DEPTOR: variants seen among roughly 807,000 people sequenced by gnomAD.
The protein encoded by DEPTOR is DEP domain-containing mTOR-interacting protein.
In DEPTOR, 41 loss-of-function variants were observed where a neutral mutation model predicts 41.6. The ratio of observed to expected loss-of-function variants is 0.98; its 90% CI spans 0.77 to 1.28. The LOEUF is 1.28. Among genes scored for constraint, DEPTOR ranks in the 50% most tolerant of loss-of-function variants. DEPTOR has a pLI of 0.00. For synonymous variants in DEPTOR, 195 were observed against 192.3 expected (o/e 1.01, Z -0.12); for missense variants, 514 against 527.9 (o/e 0.97, Z 0.26).
At chr8:119,906,210 G>A (rs1451616626) in intron 1 of DEPTOR, among the ~76,000 whole-genome samples, 1 of 151,942 alleles carries the variant, frequency 6.6e-6, no homozygotes, top group African/African-American at 2.4e-5. Context: ...CCAGCACTTT[G>A]GGAAGCCAAG....
At chr8:120,031,016 T>C (rs1337504821) in intron 8 of DEPTOR, among the ~76,000 whole-genome samples, 1 of 152,046 alleles carries the variant, frequency 6.6e-6, no homozygotes, top group African/African-American at 2.4e-5. Context: ...CCTAAAACTA[T>C]CTTAAAAAAT....
chr8:120,005,054 G>T (rs560771347), intron 6 of DEPTOR, among the ~76,000 whole-genome samples: 3 of 152,158 alleles, frequency 2.0e-5, no homozygotes, highest in African/African-American at 4.8e-5. Context: ...AGGCCTCAAA[G>T]TTTCTATATT....
chr8:120,047,742 T>C (rs1813173579), intron 8 of DEPTOR, among the ~76,000 whole-genome samples: 1 of 152,052 alleles, frequency 6.6e-6, no homozygotes, highest in Admixed American at 6.6e-5. Flanking sequence ...GACACACAAT[T>C]GTGGTTAAGA....
chr8:119,986,394 C>A (rs1012864850), intron 4 of DEPTOR, among the ~76,000 whole-genome samples: 1 of 152,164 alleles, frequency 6.6e-6, no homozygotes, highest in African/African-American at 2.4e-5. Flanking sequence ...TCTGAGAGAT[C>A]TGCTCTTAGT....
intron 8 of DEPTOR, among the ~76,000 whole-genome samples, chr8:120,041,431 T>C (rs1450389010): frequency 2.0e-5 from 3 of 152,236 alleles, no homozygotes; most frequent in African/African-American, 7.2e-5. Flanking sequence ...GGAGGAAGGC[T>C]GGAGTTCAGC....
At chr8:119,893,313 A>C (rs780323339) in intron 1 of DEPTOR, among the ~76,000 whole-genome samples, 7 of 152,210 alleles carry the variant, frequency 4.6e-5, no homozygotes, top group Non-Finnish European at 1.0e-4. Flanking sequence ...TTCTTTCCCT[A>C]AAGGGGAACA....
intron 1 of DEPTOR, among the ~76,000 whole-genome samples, chr8:119,914,522 C>T (rs987027737): frequency 6.6e-6 from 1 of 152,074 alleles, no homozygotes; most frequent in Non-Finnish European, 1.5e-5. Flanking sequence ...TCACGGCAAC[C>T]TCCGCCTCCC....
At chr8:119,886,568 C>T (rs1462838218) in intron 1 of DEPTOR, among the ~76,000 whole-genome samples, 17 of 152,064 alleles carry the variant, frequency 1.1e-4, no homozygotes, top group Non-Finnish European at 1.5e-4. Flanking sequence ...AGTCACTCCA[C>T]GATTCACGCA....
chr8:119,964,145 G>C (rs914115255), intron 3 of DEPTOR, among the ~76,000 whole-genome samples: 3 of 152,128 alleles, frequency 2.0e-5, no homozygotes, highest in Non-Finnish European at 4.4e-5. Context: ...GATGGCTCCA[G>C]CCTTGTAACC....
chr8:120,045,882 C>T (rs891703071), intron 8 of DEPTOR, among the ~76,000 whole-genome samples: 1 of 152,184 alleles, frequency 6.6e-6, no homozygotes, highest in Admixed American at 6.5e-5. Flanking sequence ...GTGCCACTGG[C>T]CCTTGGCCAG....
In DEPTOR at chr8:119,876,637, C is replaced by CA. The variant is rs58180956; in HGVS notation, c.122+2682dup. On this transcript the variant is annotated intron_variant, in intron 1 of 8. Transcript: ENST00000286234. ...TGGGCAACAGAGTGAGCCTCCATCT[C>CA]AAAAAAAAAAAAAGAAGAAGAAGGA... 6.7e-3 allele frequency among the ~76,000 whole-genome samples: 929 copies of CA among 138,978 alleles called. 13 individuals carry two copies. Among genetic ancestry groups the CA allele is most frequent in the African/African-American group, 0.021 (802 of 38,004 alleles). 91.2% of individuals were successfully genotyped at this position (138,978 alleles called of 152,430 possible). A position where few individuals can be genotyped will look rare whatever the true frequency, so the allele number is the denominator to read the frequency against.
At chr8:119,892,875 C>CAAGG (rs1827469493) in intron 1 of DEPTOR, among the ~76,000 whole-genome samples, 3 of 151,994 alleles carry the variant, frequency 2.0e-5, no homozygotes, top group Non-Finnish European at 2.9e-5. Context: ...CTCTGTTTCC[C>CAAGG]AGGTTCAAGC....
chr8:119,873,988 G>C lies in DEPTOR; in HGVS notation c.122+20G>C. 2 of 1,612,748 alleles carry C rather than the reference G, an allele frequency of 1.2e-6. No homozygotes were observed. The highest frequency in any genetic ancestry group is 1.7e-6 in the Non-Finnish European group (2 of 1,179,446). The stretch of plus-strand genomic sequence containing the variant: ...GCTACGGTAAGGCAAGAGACACAGC[G>C]GGTGAGCTCACGATGGCACTGCCAA... On this transcript the variant is annotated intron_variant, in intron 1 of 8. Transcript: ENST00000286234.
At chr8:120,015,058 C>T (rs1277949073) in intron 8 of DEPTOR, among the ~76,000 whole-genome samples, 2 of 152,134 alleles carry the variant, frequency 1.3e-5, no homozygotes, top group African/African-American at 4.8e-5. Flanking sequence ...ATGCCTATGT[C>T]TGCCTCTCAA....
chr8:120,002,791 A>AAAAG, intron 5 of DEPTOR, among the ~76,000 whole-genome samples, 186 bp from the exon 6 acceptor site: 1 of 60,674 alleles, frequency 1.6e-5, no homozygotes, highest in Non-Finnish European at 2.9e-5. Flanking sequence ...AAAAAAAAAA[A>AAAAG]ATATATATAT....
chr8:120,037,231 C>G (rs1812991442), intron 8 of DEPTOR, among the ~76,000 whole-genome samples: 1 of 152,158 alleles, frequency 6.6e-6, no homozygotes, highest in Non-Finnish European at 1.5e-5. Flanking sequence ...GGGATTAGTA[C>G]TTAATTAGAG....
intron 1 of DEPTOR, among the ~76,000 whole-genome samples, chr8:119,902,163 T>G (rs992163159): frequency 6.6e-6 from 1 of 152,194 alleles, no homozygotes; most frequent in Admixed American, 6.5e-5. Flanking sequence ...ACGTGAAGTC[T>G]TGTAATACTT....
intron 3 of DEPTOR, among the ~76,000 whole-genome samples, chr8:119,941,282 A>G (rs1405618183): frequency 6.7e-6 from 1 of 149,512 alleles, no homozygotes; most frequent in Non-Finnish European, 1.5e-5. Context: ...CTGAGGCGAG[A>G]GAATCACTTG....
At chr8:119,893,953 A>T (rs1827482385) in intron 1 of DEPTOR, among the ~76,000 whole-genome samples, 2 of 152,208 alleles carry the variant, frequency 1.3e-5, no homozygotes, top group Admixed American at 1.3e-4. Context: ...TGTTGAGGGA[A>T]AGGCCACCAT....
Sources: gnomAD v4.1 joint callset for allele counts (sites outside exome capture counted in the v4.1 genomes callset) on GRCh38, gnomAD v4.1.1 for gene constraint, MANE v1.5 for transcripts, NCBI Gene and HGNC (gene_info 2026-07-23, HGNC 2026-07-21) for gene names.